Variants in GALNT17 observed in about 807,000 individuals in gnomAD.
GALNT17 encodes polypeptide N-acetylgalactosaminyltransferase 17.
In GALNT17, 29 loss-of-function variants were observed where a neutral mutation model predicts 63.7. The observed-to-expected ratio is 0.46, with a 90% CI of 0.34 to 0.62. The LOEUF (loss-of-function observed/expected upper bound fraction) is 0.62, where lower values mean the gene tolerates loss of function less well. Ranked by LOEUF, GALNT17 falls within the 20% of genes least tolerant of loss-of-function variation. The pLI, the probability that GALNT17 is intolerant of heterozygous loss-of-function variation, is 0.01. For synonymous variants in GALNT17, 305 were observed against 318.3 expected (o/e 0.96, Z 0.45); for missense variants, 603 against 799.6 (o/e 0.75, Z 2.97).
intron 5 of GALNT17, among the ~76,000 whole-genome samples, chr7:71,468,618 T>C (rs916171255): frequency 2.0e-5 from 3 of 151,904 alleles, no homozygotes; most frequent in Non-Finnish European, 4.4e-5. Flanking sequence ...AGTTTCACCA[T>C]GTTAGCCAGG....
At chr7:71,216,629 CAT>C (rs1338974798) in intron 1 of GALNT17, among the ~76,000 whole-genome samples, 5 of 147,372 alleles carry the variant, frequency 3.4e-5, no homozygotes, top group Admixed American at 1.4e-4. Flanking sequence ...CACACACACA[CAT>C]ATACATATAT....
chr7:71,367,694 CA>C, intron 2 of GALNT17, among the ~76,000 whole-genome samples: 1 of 152,180 alleles, frequency 6.6e-6, no homozygotes, highest in Non-Finnish European at 1.5e-5. Flanking sequence ...AATTTAATTT[CA>C]GGGGTCAAAT....
At chr7:71,255,367 T>C (rs1448554451) in intron 1 of GALNT17, among the ~76,000 whole-genome samples, 1 of 152,244 alleles carries the variant, frequency 6.6e-6, no homozygotes, top group Admixed American at 6.5e-5. Context: ...ATGTGTGAGA[T>C]GTACCTTTCA....
intron 5 of GALNT17, among the ~76,000 whole-genome samples, chr7:71,561,121 G>T (rs28516877): frequency 0.51 from 77,619 of 151,894 alleles, 20,593 homozygotes; most frequent in African/African-American, 0.64. Flanking sequence ...CAAGCGATTC[G>T]CCTGACTCAG....
At chr7:71,589,907 C>A (rs1055259169) in intron 6 of GALNT17, among the ~76,000 whole-genome samples, 4 of 152,174 alleles carry the variant, frequency 2.6e-5, no homozygotes, top group African/African-American at 4.8e-5. Flanking sequence ...ATTGCAGATA[C>A]ACGGTGACGC....
At chr7:71,177,564 A>T (rs956836645) in intron 1 of GALNT17, among the ~76,000 whole-genome samples, 1 of 152,098 alleles carries the variant, frequency 6.6e-6, no homozygotes, top group African/African-American at 2.4e-5. Flanking sequence ...AGAAGGGGGA[A>T]AGTATCAGGG....
At chr7:71,449,372 T>G (rs756407815) in intron 5 of GALNT17, among the ~76,000 whole-genome samples, 9 of 152,002 alleles carry the variant, frequency 5.9e-5, no homozygotes, top group Non-Finnish European at 1.2e-4. Flanking sequence ...CCAAAGTGCT[T>G]GATTTTCTTA....
chr7:71,237,120 T>G (rs1789907329), intron 1 of GALNT17, among the ~76,000 whole-genome samples: 1 of 152,184 alleles, frequency 6.6e-6, no homozygotes, highest in African/African-American at 2.4e-5. Context: ...GGAGTGGAAC[T>G]GAAATACCCC....
At chr7:71,632,750 C>T (rs1382954926) in intron 6 of GALNT17, among the ~76,000 whole-genome samples, 13 of 152,136 alleles carry the variant, frequency 8.5e-5, no homozygotes, top group Admixed American at 3.3e-4. Context: ...CAACTTCTGA[C>T]ATTTTGCTCA....
At position 71,580,233 on chromosome 7, in the gene GALNT17, G is replaced by T. The variant is rs143227617; in HGVS notation, c.1080+8831G>T. ...GATGGATAGATAGAGATGATAGACT[G>T]ATTATATAGACAGATAAATAGATGA... On this transcript the variant is annotated intron_variant, in intron 6 of 10. Transcript: ENST00000333538. 7.9e-3 allele frequency among the ~76,000 whole-genome samples: 1,204 copies of T among 152,142 alleles called. 21 individuals are homozygous for T. Among genetic ancestry groups the T allele is most frequent in the African/African-American group, 0.028 (1,149 of 41,492 alleles).
chr7:71,146,681 C>T (rs558046825), intron 1 of GALNT17, among the ~76,000 whole-genome samples: 1 of 152,266 alleles, frequency 6.6e-6, no homozygotes, highest in South Asian at 2.1e-4. Context: ...ATCTTCCTCT[C>T]CCCTAGTGAT....
chr7:71,521,852 A>G (rs1471913180), intron 5 of GALNT17, among the ~76,000 whole-genome samples: 2 of 152,166 alleles, frequency 1.3e-5, no homozygotes, highest in African/African-American at 4.8e-5. Flanking sequence ...TAAAAGTGTA[A>G]CTGGTGAGTG....
At chr7:71,432,066 T>A (rs1380438048) in intron 5 of GALNT17, among the ~76,000 whole-genome samples, 1 of 151,890 alleles carries the variant, frequency 6.6e-6, no homozygotes, top group Non-Finnish European at 1.5e-5. Context: ...TTCCAGCTAC[T>A]CGGGAAGCTG....
chr7:71,265,118 A>ATATATATATATATATATTTTTTTT (rs1390488895), intron 1 of GALNT17, among the ~76,000 whole-genome samples: 2 of 37,440 alleles, frequency 5.3e-5, no homozygotes, highest in African/African-American at 1.4e-4. Flanking sequence ...ATATATATAT[A>ATATATATATATATATATTTTTTTT]TTTTTTTTTT....
intron 2 of GALNT17, among the ~76,000 whole-genome samples, chr7:71,376,465 A>ATTTTTTTTTTTT: frequency 1.1e-5 from 1 of 95,184 alleles, no homozygotes; most frequent in Non-Finnish European, 1.9e-5. Flanking sequence ...CTTTAGTTGA[A>ATTTTTTTTTTTT]TTCATCAAGA....
chr7:71,386,120 A>G (rs914113405), intron 2 of GALNT17, among the ~76,000 whole-genome samples: 7 of 152,198 alleles, frequency 4.6e-5, no homozygotes, highest in African/African-American at 7.2e-5. Flanking sequence ...TCTCCCTGGC[A>G]GCCCCCAGAA....
chr7:71,511,038 C>G (rs932567413), intron 5 of GALNT17, among the ~76,000 whole-genome samples: 1 of 151,972 alleles, frequency 6.6e-6, no homozygotes, highest in South Asian at 2.1e-4. Context: ...TAGAATTAGC[C>G]AGGCATGGTG....
chr7:71,650,604 G>A (rs1018137456), intron 6 of GALNT17, among the ~76,000 whole-genome samples: 2 of 152,184 alleles, frequency 1.3e-5, no homozygotes, highest in Non-Finnish European at 1.5e-5. Context: ...CAGTCTGAAA[G>A]CTCTGGCCCT....
chr7:71,244,977 A>G (rs894992429), intron 1 of GALNT17, among the ~76,000 whole-genome samples: 1 of 151,710 alleles, frequency 6.6e-6, no homozygotes, highest in African/African-American at 2.4e-5. Flanking sequence ...ACCAAAAAAA[A>G]CCTCTGTCTT....
Sources: allele counts gnomAD v4.1 joint callset (sites outside exome capture counted in the v4.1 genomes callset), GRCh38; gene constraint gnomAD v4.1.1; transcripts MANE v1.5; gene names NCBI Gene and HGNC (gene_info 2026-07-23, HGNC 2026-07-21).